The following FAM114A2 variants were observed in gnomAD, a reference collection of about 807,000 sequenced individuals.
FAM114A2 encodes the protein family with sequence similarity 114 member A2.
In FAM114A2, 53 loss-of-function variants were observed where a neutral mutation model predicts 58.4. That is an observed-to-expected ratio of 0.91 (90% CI 0.73 to 1.14). The LOEUF is 1.14. Ranked by LOEUF, FAM114A2 falls within the 50% of genes most tolerant of loss-of-function variation. FAM114A2 has a pLI of 0.00. For synonymous variants in FAM114A2, 228 were observed against 211.4 expected (o/e 1.08, Z -0.68); for missense variants, 601 against 581.1 (o/e 1.03, Z -0.35).
At chr5:154,024,504 C>T (rs1334907090) in intron 8 of FAM114A2, among the ~76,000 whole-genome samples, 1 of 152,092 alleles carries the variant, frequency 6.6e-6, no homozygotes, top group Non-Finnish European at 1.5e-5. Context: ...ATTCTCTTAT[C>T]TACTTTTATA....
chr5:154,000,897 A>ATAGTTAT (rs528848318), intron 11 of FAM114A2, among the ~76,000 whole-genome samples: 3 of 152,220 alleles, frequency 2.0e-5, no homozygotes, highest in South Asian at 2.1e-4. Flanking sequence ...GTTCTTAATA[A>ATAGTTAT]TAGTTATTAG....
intron 11 of FAM114A2, among the ~76,000 whole-genome samples, chr5:153,999,068 T>A (rs1395805230): frequency 6.6e-6 from 1 of 152,106 alleles, no homozygotes; most frequent in Non-Finnish European, 1.5e-5. Context: ...ATAGTAACAG[T>A]GTGTGATATG....
chr5:153,993,903 C>A (rs984212216), intron 13 of FAM114A2, among the ~76,000 whole-genome samples: 1 of 152,014 alleles, frequency 6.6e-6, no homozygotes, highest in Non-Finnish European at 1.5e-5. Flanking sequence ...ACTCAATTTC[C>A]CACACAAAAG....
Position 153,990,441 on chromosome 5 carries a change from C to A in FAM114A2, c.*2535G>T, listed in dbSNP as rs1468602119. ...ACTGATTTCAGATTCATAGTAATGC[C>A]ATCTATAAAAATTACAATTTCACAT... On this transcript the variant is annotated 3_prime_UTR_variant, in exon 14 of 14. Coordinates refer to ENST00000351797, the MANE Select transcript of FAM114A2 (RefSeq NM_018691.4). The A allele has an allele frequency of 6.6e-6, 1 of 150,746 alleles. No homozygotes were observed. Among genetic ancestry groups the A allele is most frequent in the African/African-American group, 2.4e-5 (1 of 40,924 alleles). The allele number at this position is 150,746 out of a possible 1,614,324, so 9.3% of individuals were successfully genotyped here. A position where few individuals can be genotyped will look rare whatever the true frequency, so the allele number is the denominator to read the frequency against.
At chr5:154,017,181 G>A (rs1410752983) in intron 8 of FAM114A2, among the ~76,000 whole-genome samples, 4 of 152,288 alleles carry the variant, frequency 2.6e-5, no homozygotes, top group South Asian at 4.1e-4. Context: ...AGTGGCTCAC[G>A]CCTGTAATCC....
intron 4 of FAM114A2, among the ~76,000 whole-genome samples, chr5:154,032,527 T>C (rs969899057): frequency 5.9e-5 from 9 of 152,182 alleles, no homozygotes; most frequent in Non-Finnish European, 8.8e-5. Context: ...TTTCTGATAA[T>C]GCCCAAAACG....
At chr5:154,001,745 G>A (rs951038236) in intron 11 of FAM114A2, among the ~76,000 whole-genome samples, 10 of 152,114 alleles carry the variant, frequency 6.6e-5, no homozygotes, top group Non-Finnish European at 1.2e-4. Context: ...AATGGGTTCA[G>A]GACACTCAGT....
chr5:154,026,528 T>C lies in FAM114A2; in HGVS notation c.790-6A>G. On this transcript the variant is annotated splice_polypyrimidine_tract_variant and splice_region_variant and intron_variant, in intron 7 of 13. Coordinates refer to ENST00000351797, the MANE Select transcript of FAM114A2 (RefSeq NM_018691.4). ...GAATTAAGGATAGATTTCACCTGAA[T>C]GGATACAAGAACAAAATGTTGTAGG... 1 of 1,473,070 alleles carries C rather than the reference T, an allele frequency of 6.8e-7. No individual in the cohort carries two copies. The highest frequency in any genetic ancestry group is 9.0e-7 in the Non-Finnish European group (1 of 1,110,094). The allele number at this position is 1,473,070 out of a possible 1,614,324, so 91.2% of individuals were successfully genotyped here. A position where few individuals can be genotyped will look rare whatever the true frequency, so the allele number is the denominator to read the frequency against.
intron 8 of FAM114A2, among the ~76,000 whole-genome samples, chr5:154,016,603 C>A (rs1347515598): frequency 6.6e-6 from 1 of 152,112 alleles, no homozygotes. Flanking sequence ...AGTACAAGAA[C>A]TGCACTGCAA....
At chr5:154,015,145 C>A (rs567181389) in intron 8 of FAM114A2, among the ~76,000 whole-genome samples, 1 of 152,242 alleles carries the variant, frequency 6.6e-6, no homozygotes, top group African/African-American at 2.4e-5. Flanking sequence ...GCAAGACCTG[C>A]CTCAAGAGAG....
chr5:154,023,992 G>T (rs2113425765), intron 8 of FAM114A2, among the ~76,000 whole-genome samples: 1 of 152,176 alleles, frequency 6.6e-6, no homozygotes, highest in African/African-American at 2.4e-5. Context: ...GCTTTTAATA[G>T]ACATCTCAAA....
chr5:154,003,078 C>A, intron 9 of FAM114A2, 109 bp from the exon 10 acceptor site: 1 of 870,158 alleles, frequency 1.1e-6, no homozygotes, highest in East Asian at 2.4e-5. Flanking sequence ...CCTGTTCTTA[C>A]CTGAACGTAC....
At chr5:154,034,650 TAAATTGGTATTTATGCC>T (rs1772423472) in intron 2 of FAM114A2, 77 bp downstream of exon 2, 1 of 891,568 alleles carries the variant, frequency 1.1e-6, no homozygotes, top group Admixed American at 1.9e-5. Context: ...AGAGCAATTC[TAAATTGGTATTTATGCC>T]AAATTTCTTT....
In FAM114A2 at chr5:153,992,971, A is replaced by G; in HGVS notation, c.*5T>C. 3 of 1,609,524 alleles carry G rather than the reference A, an allele frequency of 1.9e-6. No individual in the cohort carries two copies. Among genetic ancestry groups the G allele is most frequent in the Non-Finnish European group, 2.5e-6 (3 of 1,177,480 alleles). On this transcript the variant is annotated 3_prime_UTR_variant, in exon 14 of 14. Coordinates refer to ENST00000351797, the MANE Select transcript of FAM114A2 (RefSeq NM_018691.4). ...ACAAGTCCCAGGTCAAAACGTCTCC[A>G]TTCTTCAATGTTCTAACAAAGGTTT...
In FAM114A2 at chr5:154,028,244, A is replaced by G. The variant is rs757546488; in HGVS notation, c.535T>C (p.Phe179Leu). 1.9e-6 allele frequency: 3 copies of G among 1,609,098 alleles called. No individual in the cohort carries two copies. ...VISGGLDALEFIGKKTMDVIA... is the reference protein window; with the variant it reads ...VISGGLDALELIGKKTMDVIA... ...ACATCCATTGTCTTTTTTCCAATGA[A>G]TTCTAAGGCATCCAAACCCCCACTT... The change falls in exon 6 of 14, where the codon TTC becomes CTC. Residue 179 changes from phenylalanine (F) to leucine (L), a missense_variant. Phe to Leu is a conservative substitution (Grantham distance 22). Coordinates refer to ENST00000351797, the MANE Select transcript of FAM114A2 (RefSeq NM_018691.4).
intron 10 of FAM114A2, among the ~76,000 whole-genome samples, 157 bp from the exon 11 acceptor site, chr5:154,002,547 G>A (rs528516213): frequency 6.6e-6 from 1 of 152,308 alleles, no homozygotes; most frequent in African/African-American, 2.4e-5. Context: ...TAATTTTACA[G>A]CTGGGCTCCC....
In FAM114A2 at chr5:153,994,925, AAAT is replaced by A. The variant is rs769354182; in HGVS notation, c.1374_1376del (p.Phe459del). On this transcript the variant is annotated inframe_deletion, in exon 13 of 14. Transcript: ENST00000351797. ...CTTAAAAACAATTACTAACCTCTAG[AAAT>A]ACTGCAGTGATTAATGGGTTAAGGA... The A allele has an allele frequency of 7.5e-6, 12 of 1,599,318 alleles. No homozygotes were observed. Among genetic ancestry groups the A allele is most frequent in the African/African-American group, 1.3e-5 (1 of 74,584 alleles).
chr5:154,002,343 G>C lies in FAM114A2; in HGVS notation c.1164C>G (p.Cys388Trp). Residue 388 changes from cysteine to tryptophan, a missense_variant, in exon 11 of 14, where the codon TGC becomes TGG. Physicochemically the swap from Cys to Trp is radical, Grantham distance 215. Coordinates refer to ENST00000351797, the MANE Select transcript of FAM114A2 (RefSeq NM_018691.4). ...CTGTTTTGTGGAATAGTTCAATTGA[G>C]CAGGCAGTCAGTTCAGCCAGGCTCC... ...AIRSLAELTA[C>W]SIELFHKTAA... 6.2e-7 allele frequency: 1 copy of C among 1,613,984 alleles called. No individual in the cohort carries two copies. The highest frequency in any genetic ancestry group is 8.5e-7 in the Non-Finnish European group (1 of 1,179,864).
rs1183940944 is a variant in FAM114A2, at chr5:153,991,305, T to C, written c.*1671A>G. On this transcript the variant is annotated 3_prime_UTR_variant, in exon 14 of 14. Coordinates refer to ENST00000351797, the MANE Select transcript of FAM114A2 (RefSeq NM_018691.4). ...AGGATTTAAAGCTGCCAAACTGCCA[T>C]TGTACAAGAGGCTGAACAGACAGTA... The C allele has an allele frequency of 6.6e-6, 1 of 152,202 alleles. No homozygotes were observed. Among genetic ancestry groups the C allele is most frequent in the Non-Finnish European group, 1.5e-5 (1 of 68,032 alleles). 9.4% of individuals were successfully genotyped at this position (152,202 alleles called of 1,614,324 possible).
Sources: gnomAD v4.1 joint callset for allele counts (sites outside exome capture counted in the v4.1 genomes callset) on GRCh38, gnomAD v4.1.1 for gene constraint, MANE v1.5 for transcripts, NCBI Gene and HGNC (gene_info 2026-07-23, HGNC 2026-07-21) for gene names.